Variants in PHEX observed in about 807,000 individuals in gnomAD.
PHEX encodes the protein phosphate-regulating neutral endopeptidase PHEX.
Under a neutral mutation model 68.0 loss-of-function variants are expected in PHEX, and 16 were observed. The ratio of observed to expected loss-of-function variants is 0.24; its 90% confidence interval spans 0.16 to 0.36. PHEX has a LOEUF of 0.36. Among genes scored for constraint, PHEX ranks in the 10% least tolerant of loss-of-function variants. PHEX has a pLI of 1.00. For missense variants in PHEX, 480 were observed against 575.5 expected, an observed-to-expected ratio of 0.83 and a Z score of 1.70; for synonymous variants, 208 against 205.1, an observed-to-expected ratio of 1.01 and a Z score of -0.12.
intron 3 of PHEX, among the ~76,000 whole-genome samples, chrX:22,067,825 A>ATT (rs775606546): frequency 9.3e-5 from 9 of 96,870 alleles, no homozygotes; most frequent in African/African-American, 1.9e-4. Context: ...ACAAGCTCCC[A>ATT]TTTTTTTTTT....
chrX:22,152,289 G>A (rs978060239), intron 12 of PHEX, among the ~76,000 whole-genome samples: 5 of 111,687 alleles, frequency 4.5e-5, no homozygotes, highest in African/African-American at 1.6e-4. Context: ...ATCTGATGAT[G>A]AAGTAAAGTA....
chrX:22,037,179 A>C (rs1209590134), intron 1 of PHEX, among the ~76,000 whole-genome samples: 3 of 111,051 alleles, frequency 2.7e-5, no homozygotes, highest in Non-Finnish European at 3.8e-5. Context: ...TGCAATGCAA[A>C]GAGGCTGTTT....
At chrX:22,096,807 C>CT (rs1930155697) in intron 7 of PHEX, 148 bp from the exon 8 acceptor site, 1 of 491,921 alleles carries the variant, frequency 2.0e-6, no homozygotes, top group East Asian at 3.7e-5. Flanking sequence ...AAAGTGATGT[C>CT]TTTTTTTCTC....
At chrX:22,081,032 A>T (rs1025195420) in intron 5 of PHEX, among the ~76,000 whole-genome samples, 3 of 111,663 alleles carry the variant, frequency 2.7e-5, no homozygotes, top group African/African-American at 9.8e-5. Context: ...TTTCTTTGAC[A>T]TGTGGTACCC....
rs142233902 is a variant in PHEX, at chrX:22,207,345, T to A, written c.1646-5559T>A. On this transcript the variant is annotated intron_variant, in intron 15 of 21. Coordinates refer to ENST00000379374, the MANE Select transcript of PHEX (RefSeq NM_000444.6). Reference sequence around the variant, plus strand: ...AAATAGGAGTGGAATTTGCTGGTGTTAACAAATGCAAGAACAAAATAATAC... The same window carrying A: ...AAATAGGAGTGGAATTTGCTGGTGTAAACAAATGCAAGAACAAAATAATAC... 7.7e-3 allele frequency among the ~76,000 whole-genome samples: 865 copies of A among 112,597 alleles called. 9 individuals are homozygous for A. The highest frequency in any genetic ancestry group is 0.027 in the African/African-American group (829 of 31,061).
intron 11 of PHEX, among the ~76,000 whole-genome samples, chrX:22,126,442 C>T (rs934216437): frequency 9.0e-6 from 1 of 111,499 alleles, no homozygotes; most frequent in Non-Finnish European, 1.9e-5. Context: ...AAACTACAAC[C>T]GATCATGGGG....
At chrX:22,224,994 T>TTTTATTATCATA (rs1569433288) in intron 18 of PHEX, among the ~76,000 whole-genome samples, 6 of 6,072 alleles carry the variant, frequency 9.9e-4, no homozygotes, top group African/African-American at 2.3e-3. Context: ...GCTCTGTATG[T>TTTTATTATCATA]CAGAAGTCTG....
intron 1 of PHEX, among the ~76,000 whole-genome samples, chrX:22,035,315 C>G (rs182739653): frequency 3.9e-4 from 43 of 111,483 alleles, no homozygotes; most frequent in African/African-American, 1.3e-3. Flanking sequence ...CTCTTTCCTC[C>G]CCACAATCTG....
chrX:22,073,476 G>T (rs977713352), intron 3 of PHEX, among the ~76,000 whole-genome samples: 1 of 110,998 alleles, frequency 9.0e-6, no homozygotes, highest in Non-Finnish European at 1.9e-5. Context: ...TGATTCCAAA[G>T]CACCCCCTTC....
At chrX:22,128,993 T>C (rs1324640407) in intron 11 of PHEX, among the ~76,000 whole-genome samples, 3 of 111,172 alleles carry the variant, frequency 2.7e-5, no homozygotes. Context: ...CAATAACTAA[T>C]AATAAAATAG....
At chrX:22,228,169 G>GAAAT (rs1935574859) in intron 20 of PHEX, among the ~76,000 whole-genome samples, 1 of 112,185 alleles carries the variant, frequency 8.9e-6, no homozygotes, top group African/African-American at 3.2e-5. Flanking sequence ...AGATGTACAC[G>GAAAT]AAATAAAGCA....
intron 3 of PHEX, among the ~76,000 whole-genome samples, chrX:22,074,723 T>C (rs7877458): frequency 0.072 from 7,989 of 110,911 alleles, 443 homozygotes; most frequent in African/African-American, 0.19. Context: ...AATGGAAATA[T>C]ATGTGGATAT....
chrX:22,141,870 AATG>A (rs998842944), intron 12 of PHEX, among the ~76,000 whole-genome samples: 1 of 112,455 alleles, frequency 8.9e-6, no homozygotes, highest in African/African-American at 3.2e-5. Context: ...ATTCTTGAAC[AATG>A]ATGTTTATAA....
chrX:22,134,620 C>T (rs749507901), intron 12 of PHEX, among the ~76,000 whole-genome samples: 2 of 112,539 alleles, frequency 1.8e-5, no homozygotes, highest in African/African-American at 6.5e-5. Context: ...GAATGGGATC[C>T]ATTTTGAATT....
chrX:22,160,390 A>C (rs950222631), intron 12 of PHEX, among the ~76,000 whole-genome samples: 7 of 109,709 alleles, frequency 6.4e-5, no homozygotes, highest in African/African-American at 2.3e-4. Context: ...CTCCACTAAA[A>C]ATACAAAAAA....
chrX:22,159,507 C>T (rs994972238), intron 12 of PHEX, among the ~76,000 whole-genome samples: 6 of 111,519 alleles, frequency 5.4e-5, no homozygotes, highest in Non-Finnish European at 1.1e-4. Context: ...ACAACAACAA[C>T]AACAACAACA....
At position 22,186,875 on chromosome X, in the gene PHEX, T is replaced by C. The variant is rs191958112; in HGVS notation, c.1587-3569T>C. On this transcript the variant is annotated intron_variant, in intron 14 of 21. Transcript: ENST00000379374. ...GGCCCTTACCTGAATATTTTAAAAG[T>C]TTGTTATTTTAAAGAGAGGGGAGTT... is the stretch of plus-strand genomic sequence containing the variant. Among the ~76,000 whole-genome samples the C allele has an allele frequency of 4.5e-5, 5 of 111,963 alleles. No homozygotes were observed. In the East Asian group the frequency reaches 1.4e-3, roughly 31 times the overall value.
At chrX:22,043,606 C>G (rs994349856) in intron 2 of PHEX, among the ~76,000 whole-genome samples, 1 of 111,232 alleles carries the variant, frequency 9.0e-6, no homozygotes, top group Non-Finnish European at 1.9e-5. Context: ...AAGGGCTTAG[C>G]GTAGGTCCTG....
intron 5 of PHEX, among the ~76,000 whole-genome samples, chrX:22,083,825 T>G (rs1929497591): frequency 8.9e-6 from 1 of 112,110 alleles, no homozygotes; most frequent in Non-Finnish European, 1.9e-5. Flanking sequence ...TGCCCTTTAT[T>G]TATTTCTCTT....
Sources: gnomAD v4.1 joint callset for allele counts (sites outside exome capture counted in the v4.1 genomes callset) on GRCh38, gnomAD v4.1.1 for gene constraint, MANE v1.5 for transcripts, NCBI Gene and HGNC (gene_info 2026-07-23, HGNC 2026-07-21) for gene names.